CBR4: variants seen among roughly 807,000 people sequenced by gnomAD.
The protein encoded by CBR4 is carbonyl reductase 4, also known as 3-oxoacyl-[acyl-carrier-protein] reductase.
CBR4 carries 22 observed loss-of-function variants against 21.0 expected under a neutral mutation model. The ratio of observed to expected loss-of-function variants is 1.05; its 90% CI spans 0.75 to 1.50. The LOEUF is 1.50. Among genes scored for constraint, CBR4 ranks in the 40% most tolerant of loss-of-function variants. The pLI is 0.00. For synonymous variants in CBR4, 100 were observed against 104.4 expected, an observed-to-expected ratio of 0.96 and a Z score of 0.26; for missense variants, 302 against 286.3, an observed-to-expected ratio of 1.05 and a Z score of -0.40.
chr4:168,929,379 T>C (rs1375718554), intron 2 of CBR4, among the ~76,000 whole-genome samples: 1 of 152,222 alleles, frequency 6.6e-6, no homozygotes. Context: ...TAATGGAGCT[T>C]TGAGGATACA....
intron 3 of CBR4, chr4:169,005,850 C>G: frequency 1.6e-6 from 2 of 1,281,010 alleles, no homozygotes; most frequent in Non-Finnish European, 2.0e-6. Flanking sequence ...GCTTGAAAAA[C>G]CATTTCCTAC....
At chr4:168,922,096 TATATATACACACACACACAC>T (rs1280413733) in intron 2 of CBR4, among the ~76,000 whole-genome samples, 3 of 104,890 alleles carry the variant, frequency 2.9e-5, no homozygotes, top group African/African-American at 9.6e-5. Flanking sequence ...TATATATATA[TATATATACACACACACACAC>T]ACACACACAC....
chr4:168,911,333 A>G (rs1260943312), intron 2 of CBR4, among the ~76,000 whole-genome samples: 1 of 152,224 alleles, frequency 6.6e-6, no homozygotes, highest in Non-Finnish European at 1.5e-5. Context: ...TTCTAACCGC[A>G]TAAATGATTA....
intron 2 of CBR4, chr4:168,896,529 C>CT (rs766416032): frequency 1.5e-5 from 21 of 1,403,456 alleles, no homozygotes; most frequent in Non-Finnish European, 2.0e-5. Context: ...GTCTTCACAT[C>CT]TTTTTTTCTA....
In CBR4 at chr4:168,915,991, T is replaced by A. The variant is rs1403623266; in HGVS notation, n.170-21226A>T. On this transcript the variant is annotated intron_variant and non_coding_transcript_variant, in intron 2 of 3. Coordinates refer to the CBR4 transcript ENST00000509108. ...TCTTGCAGGCTCCTGGAGATCTGAC[T>A]GTTCAAGAAGGAAAACTCTGCAGAA... The A allele has an allele frequency of 9.3e-6, 15 of 1,613,990 alleles. No homozygotes were observed. The highest frequency in any genetic ancestry group is 1.3e-5 in the Non-Finnish European group (15 of 1,179,852).
chr4:169,008,462 G>C (rs1731108913), intron 1 of CBR4, among the ~76,000 whole-genome samples: 1 of 151,016 alleles, frequency 6.6e-6, no homozygotes, highest in African/African-American at 2.4e-5. Flanking sequence ...ATGTAGGATT[G>C]TTTTTAAAAG....
chr4:168,949,994 A>C (rs942549028), intron 2 of CBR4, among the ~76,000 whole-genome samples: 6 of 151,332 alleles, frequency 4.0e-5, no homozygotes, highest in Non-Finnish European at 7.4e-5. Context: ...GGTTATTTGG[A>C]TTTTCTCTCT....
intron 2 of CBR4, among the ~76,000 whole-genome samples, chr4:168,962,768 G>C (rs1443790843): frequency 2.0e-5 from 3 of 152,044 alleles, no homozygotes; most frequent in African/African-American, 4.8e-5. Context: ...AGACAGCCCA[G>C]GACAGAACTT....
At chr4:168,950,455 G>A (rs1019448101) in intron 2 of CBR4, among the ~76,000 whole-genome samples, 4 of 152,290 alleles carry the variant, frequency 2.6e-5, no homozygotes, top group African/African-American at 4.8e-5. Context: ...TGGTCTGAGA[G>A]AGTGCTTGAT....
intron 2 of CBR4, among the ~76,000 whole-genome samples, chr4:168,897,516 G>A (rs554065544): frequency 2.6e-5 from 4 of 152,200 alleles, no homozygotes; most frequent in Admixed American, 6.5e-5. Flanking sequence ...GCACAATCAC[G>A]GCCCACTGCA....
At chr4:168,929,156 AAAGT>A (rs375944733) in intron 2 of CBR4, among the ~76,000 whole-genome samples, 19 of 152,302 alleles carry the variant, frequency 1.2e-4, no homozygotes, top group African/African-American at 3.8e-4. Context: ...GAAAAGGAAG[AAAGT>A]AAGTATAAAT....
rs527515118 is a variant in CBR4 at position 168,928,861 on chromosome 4, A to AAATT, written n.170-34100_170-34097dup. ...CTTTGTCAAAGGCCCAGTCCCTTTTAAATTACGTCAGGCCCATCCAGATAA... is the reference window on the plus strand; with the variant it reads ...CTTTGTCAAAGGCCCAGTCCCTTTTAAATTAATTACGTCAGGCCCATCCAGATAA... On this transcript the variant is annotated intron_variant and non_coding_transcript_variant, in intron 2 of 3. Transcript: ENST00000509108. 1.5e-3 allele frequency among the ~76,000 whole-genome samples: 228 copies of AAATT among 152,304 alleles called. 1 individual carries two copies. The highest frequency in any genetic ancestry group is 5.3e-3 in the African/African-American group (221 of 41,568).
intron 1 of CBR4, 142 bp from the exon 2 acceptor site, chr4:169,007,898 G>C: frequency 2.0e-6 from 1 of 492,282 alleles, no homozygotes; most frequent in East Asian, 4.0e-5. Context: ...CATGAGGCCT[G>C]GCTTTCATAG....
rs762037255 is a variant in CBR4 at position 168,943,397 on chromosome 4, G to A, written n.170-48632C>T. On this transcript the variant is annotated intron_variant and non_coding_transcript_variant, in intron 2 of 3. Transcript: ENST00000509108. ...TCAATAACCAAGGAACTCATACAGG[G>A]TCCTTTCCACTGAAAGCACCCAGGA... 1.4e-4 allele frequency among the ~76,000 whole-genome samples: 22 copies of A among 152,248 alleles called. No individual in the cohort carries two copies. The South Asian group carries it at 1.7e-3, about 11-fold the overall frequency.
intron 2 of CBR4, among the ~76,000 whole-genome samples, chr4:168,971,808 T>C (rs28834836): frequency 0.011 from 1,726 of 152,352 alleles, 48 homozygotes; most frequent in African/African-American, 0.039. Flanking sequence ...AAATCCCATC[T>C]ATTTATCTTT....
chr4:168,943,486 T>C (rs1011217358), intron 2 of CBR4, among the ~76,000 whole-genome samples: 1 of 152,194 alleles, frequency 6.6e-6, no homozygotes, highest in African/African-American at 2.4e-5. Flanking sequence ...AACTCAGCCA[T>C]TGGTAAGTTG....
chr4:168,924,575 C>A (rs1762215298), intron 2 of CBR4, among the ~76,000 whole-genome samples: 1 of 152,050 alleles, frequency 6.6e-6, no homozygotes, highest in South Asian at 2.1e-4. Context: ...CATGCGTTAC[C>A]CAATGTAGGA....
chr4:169,005,633 C>T (rs1432476864), intron 3 of CBR4, among the ~76,000 whole-genome samples: 1 of 152,116 alleles, frequency 6.6e-6, no homozygotes, highest in African/African-American at 2.4e-5. Context: ...CAGATACAGG[C>T]CTGTTTGCCT....
intron 2 of CBR4, among the ~76,000 whole-genome samples, chr4:168,958,346 C>G (rs1763748144): frequency 6.6e-6 from 1 of 151,192 alleles, no homozygotes; most frequent in Non-Finnish European, 1.5e-5. Context: ...TTTTTTGAAT[C>G]TGGCTTCTTT....
Sources: allele counts gnomAD v4.1 joint callset (sites outside exome capture counted in the v4.1 genomes callset), GRCh38; gene constraint gnomAD v4.1.1; transcripts MANE v1.5; gene names NCBI Gene and HGNC (gene_info 2026-07-23, HGNC 2026-07-21).